Variants in PHF14 observed in about 807,000 individuals in gnomAD.
PHF14 encodes PHD finger protein 14.
PHF14 carries 55 observed loss-of-function variants against 117.9 expected under a neutral mutation model. The observed-to-expected ratio is 0.47, with a 90% confidence interval of 0.38 to 0.58. The LOEUF is 0.58. Among genes scored for constraint, PHF14 ranks in the 20% least tolerant of loss-of-function variants. The probability of loss-of-function intolerance (pLI) is 0.00; values close to 1 mark genes in which losing one functional copy is unlikely to be tolerated. For missense variants in PHF14, 978 were observed against 1,122.2 expected (o/e 0.87, Z 1.84); for synonymous variants, 409 against 368.6 (o/e 1.11, Z -1.26).
Position 11,106,070 on chromosome 7 carries a change from C to A in PHF14, c.2655-5280C>A, listed in dbSNP as rs1047547099. 4 of 983,930 alleles carry A rather than the reference C, an allele frequency of 4.1e-6. No homozygotes were observed. In the African/African-American group the frequency reaches 7.0e-5, roughly 17 times the overall value. The allele number at this position is 983,930 out of a possible 1,614,324, so 60.9% of individuals were successfully genotyped here. On this transcript the variant is annotated intron_variant, in intron 16 of 17. Coordinates refer to ENST00000634607, the MANE Select transcript of PHF14 (RefSeq NM_001007157.2). The stretch of plus-strand genomic sequence containing the variant: ...AGGTATGGAAATGTCTAATTCTTCT[C>A]TCATGCTGTGAAGAGTTGCTTGACC...
chr7:10,996,538 C>G (rs967818128), intron 4 of PHF14, among the ~76,000 whole-genome samples: 6 of 151,796 alleles, frequency 4.0e-5, no homozygotes, highest in East Asian at 1.9e-4. Flanking sequence ...GGAAATCACC[C>G]TAATTCAATG....
At chr7:11,001,358 A>G (rs1782866316) in intron 4 of PHF14, among the ~76,000 whole-genome samples, 1 of 151,886 alleles carries the variant, frequency 6.6e-6, no homozygotes, top group African/African-American at 2.4e-5. Context: ...TTTTCCTTCA[A>G]TATTATGTTA....
At chr7:11,011,653 A>C (rs2128315676) in intron 4 of PHF14, among the ~76,000 whole-genome samples, 1 of 152,346 alleles carries the variant, frequency 6.6e-6, no homozygotes, top group East Asian at 1.9e-4. Flanking sequence ...CCAAACCTAA[A>C]GGTGATACTT....
rs1304856881 is a variant in PHF14 at position 11,031,774 on chromosome 7, T to TA, written c.1455+2963dup. ...CCTCTAAAAATTTTAAATAAATAAG[T>TA]AAAAAAATACCGAGCTATTGTGCAG... On this transcript the variant is annotated intron_variant, in intron 7 of 17. Transcript: ENST00000634607. Among the ~76,000 whole-genome samples the TA allele has an allele frequency of 2.0e-5, 3 of 151,872 alleles. No individual in the cohort carries two copies. In the East Asian group the frequency reaches 5.8e-4, roughly 29 times the overall value.
intron 4 of PHF14, among the ~76,000 whole-genome samples, chr7:11,002,755 C>G (rs1206951325): frequency 1.3e-5 from 2 of 151,678 alleles, no homozygotes; most frequent in Admixed American, 6.6e-5. Context: ...AAAATTAAGA[C>G]TTCTTAATCC....
intron 17 of PHF14, among the ~76,000 whole-genome samples, chr7:11,155,363 G>A (rs999291954): frequency 5.3e-5 from 8 of 152,298 alleles, no homozygotes; most frequent in Admixed American, 3.9e-4. Flanking sequence ...CAAATATGAA[G>A]TATGTCAGAA....
chr7:10,982,574 A>G lies in PHF14; in HGVS notation c.315A>G (p.Glu105=). Residue 105 remains glutamate, a synonymous_variant, in exon 3 of 18, where the codon GAA becomes GAG. Transcript: ENST00000634607. The part of the protein sequence containing the change: ...QLIKMEKKEE[E]ENGERPRKKK... ...TTAAAATGGAAAAGAAGGAAGAAGA[A>G]GAAAATGGAGAAAGACCTAGAAAGA... 1 of 1,504,868 alleles carries G rather than the reference A, an allele frequency of 6.6e-7. No homozygotes were observed. The highest frequency in any genetic ancestry group is 9.0e-7 in the Non-Finnish European group (1 of 1,107,102). The allele number at this position is 1,504,868 out of a possible 1,614,324, so 93.2% of individuals were successfully genotyped here.
chr7:11,158,204 T>A (rs1259737744), intron 17 of PHF14, among the ~76,000 whole-genome samples: 1 of 152,164 alleles, frequency 6.6e-6, no homozygotes, highest in African/African-American at 2.4e-5. Context: ...ATTTTGTCAT[T>A]ATGTCTCCTC....
intron 17 of PHF14, among the ~76,000 whole-genome samples, chr7:11,169,076 G>A (rs1181050007): frequency 6.6e-6 from 1 of 151,722 alleles, no homozygotes; most frequent in Admixed American, 6.6e-5. Flanking sequence ...CACATGAAGT[G>A]TCTTAGCAAT....
intron 11 of PHF14, among the ~76,000 whole-genome samples, chr7:11,039,765 G>T (rs547476452): frequency 6.6e-6 from 1 of 152,280 alleles, no homozygotes; most frequent in South Asian, 2.1e-4. Context: ...AAAAGAATGT[G>T]TGTGGCTTGT....
At chr7:11,145,489 A>G (rs1788522667) in intron 17 of PHF14, among the ~76,000 whole-genome samples, 1 of 152,124 alleles carries the variant, frequency 6.6e-6, no homozygotes, top group South Asian at 2.1e-4. Context: ...TTACTTCACT[A>G]TAAGCAGAAT....
Position 10,995,587 on chromosome 7 carries a change from G to A in PHF14, c.1045+4740G>A, listed in dbSNP as rs532129611. 3.3e-3 allele frequency among the ~76,000 whole-genome samples: 498 copies of A among 152,326 alleles called. 1 individual carries two copies. The highest frequency in any genetic ancestry group is 4.7e-3 in the Non-Finnish European group (322 of 68,020). ...GCCCTTGGGTGGTCGATGGGACCGC[G>A]CCACAGAGCGGGGGCAGCACTCATA... On this transcript the variant is annotated intron_variant, in intron 4 of 17. Coordinates refer to ENST00000634607, the MANE Select transcript of PHF14 (RefSeq NM_001007157.2).
chr7:11,071,481 A>G (rs371074725), intron 16 of PHF14, among the ~76,000 whole-genome samples: 1 of 152,204 alleles, frequency 6.6e-6, no homozygotes, highest in African/African-American at 2.4e-5. Flanking sequence ...ACTTCCTTTG[A>G]TAAATAGCAG....
At chr7:11,004,171 A>G (rs1158761147) in intron 4 of PHF14, among the ~76,000 whole-genome samples, 3 of 148,128 alleles carry the variant, frequency 2.0e-5, no homozygotes, top group African/African-American at 7.5e-5. Flanking sequence ...CGCTTGAGCC[A>G]GGGAGTTCAA....
intron 7 of PHF14, among the ~76,000 whole-genome samples, chr7:11,031,488 C>G (rs569067600): frequency 2.0e-5 from 3 of 151,680 alleles, no homozygotes; most frequent in African/African-American, 7.3e-5. Context: ...TGCAGTGGCT[C>G]ATGCCTGTAA....
At chr7:11,053,623 T>C (rs1784918815) in intron 14 of PHF14, among the ~76,000 whole-genome samples, 1 of 152,120 alleles carries the variant, frequency 6.6e-6, no homozygotes, top group Non-Finnish European at 1.5e-5. Flanking sequence ...GTTTCTTTAT[T>C]GTTTCAAGAA....
intron 4 of PHF14, among the ~76,000 whole-genome samples, chr7:11,000,824 T>C (rs1782843252): frequency 6.6e-6 from 1 of 152,180 alleles, no homozygotes; most frequent in African/African-American, 2.4e-5. Flanking sequence ...CTTTTTATTC[T>C]CTTGAAGGTA....
At chr7:11,128,498 A>G (rs1787998481) in intron 17 of PHF14, among the ~76,000 whole-genome samples, 1 of 151,880 alleles carries the variant, frequency 6.6e-6, no homozygotes, top group South Asian at 2.1e-4. Context: ...TCATTAAGCC[A>G]TTCTACACAC....
At chr7:11,015,968 A>G (rs929474881) in intron 5 of PHF14, among the ~76,000 whole-genome samples, 2 of 152,094 alleles carry the variant, frequency 1.3e-5, no homozygotes, top group Non-Finnish European at 2.9e-5. Context: ...CTTGTTGATA[A>G]TTTAAAAGTT....
Sources: allele counts gnomAD v4.1 joint callset (sites outside exome capture counted in the v4.1 genomes callset), GRCh38; gene constraint gnomAD v4.1.1; transcripts MANE v1.5; gene names NCBI Gene and HGNC (gene_info 2026-07-23, HGNC 2026-07-21).